Variants in VGLL4 observed in about 807,000 individuals in gnomAD.
VGLL4 encodes vestigial like family member 4.
A neutral mutation model predicts 21.0 loss-of-function variants in VGLL4; 7 were observed. That is an observed-to-expected ratio of 0.33 (90% CI 0.19 to 0.63). The LOEUF is 0.63. VGLL4 is among the 20% of genes least tolerant of loss of function. The pLI is 0.78. For synonymous variants in VGLL4, 222 were observed against 173.2 expected, an observed-to-expected ratio of 1.28 and a Z score of -2.21; for missense variants, 394 against 425.7, an observed-to-expected ratio of 0.93 and a Z score of 0.66.
intron 2 of VGLL4, among the ~76,000 whole-genome samples, chr3:11,682,941 C>G (rs548069939): frequency 6.6e-6 from 1 of 151,956 alleles, no homozygotes. Flanking sequence ...TTAAACTACA[C>G]GAGAGGCCAG....
At chr3:11,628,771 G>A (rs1234233324) in intron 1 of VGLL4, among the ~76,000 whole-genome samples, 1 of 152,228 alleles carries the variant, frequency 6.6e-6, no homozygotes, top group Admixed American at 6.5e-5. Flanking sequence ...AGTGAGCAGA[G>A]ATCGCACCAC....
At chr3:11,589,415 C>T (rs757081926) in intron 2 of VGLL4, among the ~76,000 whole-genome samples, 20 of 152,114 alleles carry the variant, frequency 1.3e-4, no homozygotes, top group Non-Finnish European at 2.4e-4. Flanking sequence ...CCAGCAGCCC[C>T]AAGTCACGGA....
At chr3:11,595,098 T>A (rs1323246077) in intron 2 of VGLL4, among the ~76,000 whole-genome samples, 2 of 151,786 alleles carry the variant, frequency 1.3e-5, no homozygotes, top group South Asian at 4.2e-4. Flanking sequence ...GAGGTGGAGG[T>A]TGTGGTGAGC....
intron 1 of VGLL4, 27 bp from the exon 2 acceptor site, chr3:11,602,049 C>G: frequency 1.3e-6 from 2 of 1,500,624 alleles, no homozygotes; most frequent in Non-Finnish European, 1.8e-6. Context: ...GATGTAGTCA[C>G]TAAGCAGGAG....
chr3:11,651,683 C>G (rs980765854), intron 2 of VGLL4, among the ~76,000 whole-genome samples: 1 of 151,426 alleles, frequency 6.6e-6, no homozygotes, highest in Non-Finnish European at 1.5e-5. Context: ...AAAGGAGAAA[C>G]CAAAACAAAA....
Position 11,682,404 on chromosome 3 carries a change from CAAAAAAAAA to C in VGLL4, c.64+20558_64+20566del, listed in dbSNP as rs34428676. ...CGGGTGACAGTACAAGACCCTGTCT[CAAAAAAAAA>C]AAAAAAAAAAAAAAAATAGGCAGGT... On this transcript the variant is annotated intron_variant, in intron 2 of 5. Transcript: ENST00000273038. Among the ~76,000 whole-genome samples, 207 of 62,220 alleles carry C rather than the reference CAAAAAAAAA, an allele frequency of 3.3e-3. 1 individual carries two copies. The highest frequency in any genetic ancestry group is 0.011 in the African/African-American group (163 of 14,578). 40.8% of individuals were successfully genotyped at this position (62,220 alleles called of 152,430 possible).
chr3:11,670,864 C>G (rs2076200860), intron 2 of VGLL4, among the ~76,000 whole-genome samples: 1 of 152,100 alleles, frequency 6.6e-6, no homozygotes, highest in African/African-American at 2.4e-5. Context: ...ATGATGAAAC[C>G]CCACCTCTAC....
intron 1 of VGLL4, among the ~76,000 whole-genome samples, chr3:11,630,387 G>C (rs2075449764): frequency 6.6e-6 from 1 of 152,188 alleles, no homozygotes; most frequent in South Asian, 2.1e-4. Flanking sequence ...GCTCACACCT[G>C]TAACCCCAGC....
At chr3:11,662,083 A>C (rs2076046650) in intron 2 of VGLL4, among the ~76,000 whole-genome samples, 2 of 152,190 alleles carry the variant, frequency 1.3e-5, no homozygotes, top group East Asian at 3.9e-4. Context: ...AAGCCCAAGA[A>C]AGCTATCAGA....
At chr3:11,640,587 C>T (rs1559917782) in intron 1 of VGLL4, among the ~76,000 whole-genome samples, 1 of 152,200 alleles carries the variant, frequency 6.6e-6, no homozygotes, top group East Asian at 1.9e-4. Context: ...CCGGCCCTCT[C>T]CCTAACGTCT....
intron 2 of VGLL4, among the ~76,000 whole-genome samples, chr3:11,686,801 A>G (rs1477369916): frequency 6.6e-6 from 1 of 152,140 alleles, no homozygotes; most frequent in African/African-American, 2.4e-5. Flanking sequence ...CGTTTATTCT[A>G]TCTCGGCATT....
chr3:11,643,775 G>C lies in VGLL4; in HGVS notation c.-257C>G, dbSNP rs2075741367. On this transcript the variant is annotated 5_prime_UTR_variant, in exon 1 of 5. Coordinates refer to ENST00000430365, the MANE Select transcript of VGLL4 (RefSeq NM_001128219.3). The stretch of plus-strand genomic sequence containing the variant: ...GTATCCCCGATCGAGTATGAAAACA[G>C]CGTTTCAGAAGTCCTTACAAGTCCT... 1 of 1,202,898 alleles carries C rather than the reference G, an allele frequency of 8.3e-7. No homozygotes were observed. Among genetic ancestry groups the C allele is most frequent in the African/African-American group, 1.6e-5 (1 of 63,362 alleles). 74.5% of individuals were successfully genotyped at this position (1,202,898 alleles called of 1,614,324 possible).
At chr3:11,661,241 C>T (rs2076032766) in intron 2 of VGLL4, among the ~76,000 whole-genome samples, 1 of 152,076 alleles carries the variant, frequency 6.6e-6, no homozygotes, top group Admixed American at 6.5e-5. Context: ...ACTCAGCAGG[C>T]TGGTAACGCA....
Position 11,558,571 on chromosome 3 carries a change from G to A in VGLL4, c.876C>T (p.Pro292=), listed in dbSNP as rs751466054. 11 of 1,602,390 alleles carry A rather than the reference G, an allele frequency of 6.9e-6. No individual in the cohort carries two copies. In the South Asian group the frequency reaches 9.9e-5, roughly 14 times the overall value. Residue 292 remains proline (P), a synonymous_variant, in exon 5 of 5, where the codon CCC becomes CCT. Coordinates refer to ENST00000430365, the MANE Select transcript of VGLL4 (RefSeq NM_001128219.3). ...SAHMVSHSHS[P]SVVS ...GGCGCTCCCTTCAGGAGACCACAGAGGGGGAGTGACTGTGGCTGACCATGT... is the reference window on the plus strand; with the variant it reads ...GGCGCTCCCTTCAGGAGACCACAGAAGGGGAGTGACTGTGGCTGACCATGT...
At chr3:11,602,556 T>C (rs2074832740) in intron 1 of VGLL4, among the ~76,000 whole-genome samples, 4 of 152,140 alleles carry the variant, frequency 2.6e-5, no homozygotes, top group Admixed American at 2.0e-4. Flanking sequence ...GAAATATAAA[T>C]ACATCGTTTA....
At chr3:11,579,967 G>A (rs11128554) in intron 2 of VGLL4, among the ~76,000 whole-genome samples, 32,065 of 152,060 alleles carry the variant, frequency 0.21, 3,877 homozygotes, top group South Asian at 0.31. Context: ...ACACACAATG[G>A]ACTCATTAAT....
chr3:11,714,816 T>C (rs1271281288), intron 1 of VGLL4, among the ~76,000 whole-genome samples: 2 of 152,168 alleles, frequency 1.3e-5, no homozygotes, highest in Non-Finnish European at 2.9e-5. Flanking sequence ...CACATATTCT[T>C]AGGGACCTAT....
At chr3:11,702,191 T>C (rs1170685668) in intron 2 of VGLL4, among the ~76,000 whole-genome samples, 1 of 152,170 alleles carries the variant, frequency 6.6e-6, no homozygotes, top group African/African-American at 2.4e-5. Flanking sequence ...GTCTATCAAC[T>C]AACACATATT....
intron 2 of VGLL4, among the ~76,000 whole-genome samples, chr3:11,676,566 A>C (rs1384018155): frequency 6.6e-6 from 1 of 151,982 alleles, no homozygotes; most frequent in Admixed American, 6.6e-5. Flanking sequence ...CCAATATCCA[A>C]TACAGGTGAA....
Sources: gnomAD v4.1 joint callset for allele counts (sites outside exome capture counted in the v4.1 genomes callset) on GRCh38, gnomAD v4.1.1 for gene constraint, MANE v1.5 for transcripts, NCBI Gene and HGNC (gene_info 2026-07-23, HGNC 2026-07-21) for gene names.